SPART: variants seen among roughly 807,000 people sequenced by gnomAD.
SPART encodes the protein spartin.
SPART carries 35 observed loss-of-function variants against 58.7 expected under a neutral mutation model. The ratio of observed to expected loss-of-function variants is 0.60; its 90% CI spans 0.46 to 0.79. The LOEUF is 0.79. SPART is among the 30% of genes least tolerant of loss of function. The probability of loss-of-function intolerance (pLI) is 0.00; values close to 1 mark genes in which losing one functional copy is unlikely to be tolerated. For synonymous variants in SPART, 284 were observed against 280.7 expected (o/e 1.01, Z -0.12); for missense variants, 730 against 786.1 (o/e 0.93, Z 0.85).
At chr13:36,352,770 A>C (rs1885466113) in intron 1 of SPART, among the ~76,000 whole-genome samples, 1 of 147,144 alleles carries the variant, frequency 6.8e-6, no homozygotes, top group Non-Finnish European at 1.5e-5. Context: ...TGGGCAACAC[A>C]GGGAGATCCC....
intron 5 of SPART, chr13:36,326,364 A>G: frequency 3.5e-6 from 2 of 578,364 alleles, no homozygotes; most frequent in Non-Finnish European, 5.9e-6. Flanking sequence ...CCAATAGTAG[A>G]ACAGAATAAT....
intron 5 of SPART, among the ~76,000 whole-genome samples, chr13:36,315,730 T>C (rs143720668): frequency 6.6e-6 from 1 of 152,312 alleles, no homozygotes; most frequent in Non-Finnish European, 1.5e-5. Context: ...ATTATCTTTT[T>C]AGATTAACTT....
intron 4 of SPART, among the ~76,000 whole-genome samples, chr13:36,328,155 T>G (rs1198209390): frequency 1.3e-5 from 2 of 152,216 alleles, no homozygotes; most frequent in African/African-American, 4.8e-5. Flanking sequence ...ATATATATCT[T>G]GGAACCATTT....
At chr13:36,363,519 T>G (rs1380693497) in intron 1 of SPART, among the ~76,000 whole-genome samples, 3 of 152,116 alleles carry the variant, frequency 2.0e-5, no homozygotes, top group Non-Finnish European at 2.9e-5. Flanking sequence ...TTTTCCCCTA[T>G]GAAGATTTGG....
chr13:36,354,561 A>C (rs912559249), intron 1 of SPART, among the ~76,000 whole-genome samples: 1 of 152,234 alleles, frequency 6.6e-6, no homozygotes, highest in African/African-American at 2.4e-5. Context: ...GTTGTCATGC[A>C]TCATTGCTAA....
chr13:36,324,899 G>A (rs964279335), intron 5 of SPART, among the ~76,000 whole-genome samples: 1 of 152,132 alleles, frequency 6.6e-6, no homozygotes, highest in African/African-American at 2.4e-5. Flanking sequence ...GGTGCTCAGT[G>A]GGGGAGCTTT....
At chr13:36,342,615 C>T (rs1414032344) in intron 1 of SPART, among the ~76,000 whole-genome samples, 1 of 152,120 alleles carries the variant, frequency 6.6e-6, no homozygotes, top group Non-Finnish European at 1.5e-5. Flanking sequence ...AGCACCACCC[C>T]TCATCCCGGT....
upstream of SPART, among the ~76,000 whole-genome samples, chr13:36,350,568 A>T (rs1437335784): frequency 6.6e-6 from 1 of 152,242 alleles, no homozygotes; most frequent in Non-Finnish European, 1.5e-5. Flanking sequence ...ATCTCAGGAT[A>T]GGAATAATTG....
At chr13:36,327,850 C>A (rs771079559) in intron 4 of SPART, among the ~76,000 whole-genome samples, 2 of 152,082 alleles carry the variant, frequency 1.3e-5, no homozygotes, top group Non-Finnish European at 2.9e-5. Context: ...AAACATTAGC[C>A]GGGCATGGTG....
upstream of SPART, among the ~76,000 whole-genome samples, chr13:36,347,147 G>C (rs190024252): frequency 6.7e-6 from 1 of 149,388 alleles, no homozygotes. Context: ...CTGCCTTAGG[G>C]AAAAAAAAAC....
chr13:36,314,212 C>G lies in SPART; in HGVS notation c.1483+15G>C, dbSNP rs1289603915. 1 of 1,610,596 alleles carries G rather than the reference C, an allele frequency of 6.2e-7. No individual in the cohort carries two copies. The highest frequency in any genetic ancestry group is 1.3e-5 in the African/African-American group (1 of 74,856). ...ATATAACTTTAAAAAGTAAAGTTAT[C>G]TAGAATTACTTTACCCAGGAACTGA... On this transcript the variant is annotated intron_variant, in intron 6 of 8. Transcript: ENST00000438666.
Position 36,340,163 on chromosome 13 carries a change from C to T in SPART, c.-2-4331G>A, listed in dbSNP as rs571848517. Among the ~76,000 whole-genome samples, 37 of 152,048 alleles carry T rather than the reference C, an allele frequency of 2.4e-4. No homozygotes were observed. The South Asian group carries it at 5.4e-3, about 22-fold the overall frequency. On this transcript the variant is annotated intron_variant, in intron 1 of 8. Transcript: ENST00000438666. ...AGATCACAAGGTCAGGAGATCGAGA[C>T]CACCCTGGCTAACAAGGTGAAACCC...
intron 1 of SPART, among the ~76,000 whole-genome samples, chr13:36,364,113 T>TG (rs1336704696): frequency 2.6e-5 from 4 of 152,204 alleles, no homozygotes; most frequent in African/African-American, 9.6e-5. Flanking sequence ...GATTCTGTCC[T>TG]GAACGCTATT....
At chr13:36,345,697 A>G (rs1885035439) in intron 1 of SPART, 1 of 152,222 alleles carries the variant, frequency 6.6e-6, no homozygotes, top group Admixed American at 6.5e-5. Context: ...CTCAATCCCT[A>G]GGAAGCATGA....
At chr13:36,312,528 G>A in intron 6 of SPART, 51 bp from the exon 7 acceptor site, 1 of 1,542,720 alleles carries the variant, frequency 6.5e-7, no homozygotes, top group Non-Finnish European at 8.9e-7. Context: ...TTATTCCCTT[G>A]ATTTTTACCA....
chr13:36,316,823 T>C (rs1028277062), intron 5 of SPART, among the ~76,000 whole-genome samples: 1 of 151,922 alleles, frequency 6.6e-6, no homozygotes, highest in African/African-American at 2.4e-5. Context: ...ATCAATCCCC[T>C]GTCATGTTCT....
intron 3 of SPART, among the ~76,000 whole-genome samples, chr13:36,329,843 G>A (rs1226193298): frequency 2.0e-5 from 3 of 152,136 alleles, no homozygotes; most frequent in African/African-American, 7.2e-5. Context: ...ATAAATTTTA[G>A]TTAACATGTA....
At chr13:36,349,834 T>C (rs943337481), upstream of SPART, among the ~76,000 whole-genome samples, 2 of 152,266 alleles carry the variant, frequency 1.3e-5, no homozygotes, top group African/African-American at 4.8e-5. Flanking sequence ...GAAAGTATTA[T>C]GGGCTGTGCC....
Position 36,301,899 on chromosome 13 carries a change from A to G in SPART, c.*2466T>C, listed in dbSNP as rs957467937. ...AACTGATAGGAAAATGAACACTTAAATTGTGGTATACTCACACAGAATACT... is the reference window on the plus strand; with the variant it reads ...AACTGATAGGAAAATGAACACTTAAGTTGTGGTATACTCACACAGAATACT... On this transcript the variant is annotated 3_prime_UTR_variant, in exon 9 of 9. Transcript: ENST00000438666. 3 of 152,210 alleles carry G rather than the reference A, an allele frequency of 2.0e-5. No homozygotes were observed. Among genetic ancestry groups the G allele is most frequent in the African/African-American group, 7.2e-5 (3 of 41,442 alleles). The allele number at this position is 152,210 out of a possible 1,614,324, so 9.4% of individuals were successfully genotyped here. A position where few individuals can be genotyped will look rare whatever the true frequency, so the allele number is the denominator to read the frequency against.
Sources: gnomAD v4.1 joint callset for allele counts (sites outside exome capture counted in the v4.1 genomes callset) on GRCh38, gnomAD v4.1.1 for gene constraint, MANE v1.5 for transcripts, NCBI Gene and HGNC (gene_info 2026-07-23, HGNC 2026-07-21) for gene names.